Variants in FRMD5 observed in about 807,000 individuals in gnomAD.
The protein encoded by FRMD5 is FERM domain containing 5.
In FRMD5, 20 loss-of-function variants were observed where a neutral mutation model predicts 69.0. That is an observed-to-expected ratio of 0.29 (90% CI 0.20 to 0.42). The LOEUF is 0.42. Ranked by LOEUF, FRMD5 falls within the 10% of genes least tolerant of loss-of-function variation. The pLI is 1.00. For missense variants in FRMD5, 595 were observed against 708.6 expected (o/e 0.84, Z 1.82); for synonymous variants, 271 against 260.1 (o/e 1.04, Z -0.40).
At chr15:44,186,814 C>T (rs969390853) in intron 1 of FRMD5, among the ~76,000 whole-genome samples, 10 of 152,224 alleles carry the variant, frequency 6.6e-5, no homozygotes, top group African/African-American at 1.7e-4. Context: ...GCCCAAATGC[C>T]GAACAGTGCT....
In FRMD5 at chr15:43,954,397, T is replaced by C. The variant is rs78986166; in HGVS notation, c.103-30088A>G. ...GTGATAGTGACTCAAAGGTTATATTTACAGACCCCAAATTATTCAGTGCCT... is the reference window on the plus strand; with the variant it reads ...GTGATAGTGACTCAAAGGTTATATTCACAGACCCCAAATTATTCAGTGCCT... On this transcript the variant is annotated intron_variant, in intron 1 of 13. Transcript: ENST00000417257. Among the ~76,000 whole-genome samples the C allele has an allele frequency of 2.6e-3, 403 of 152,304 alleles. 5 individuals carry two copies. The highest frequency in any genetic ancestry group is 9.4e-3 in the African/African-American group (391 of 41,560).
intron 1 of FRMD5, among the ~76,000 whole-genome samples, chr15:44,171,472 G>A (rs1359346208): frequency 6.6e-6 from 1 of 152,088 alleles, no homozygotes; most frequent in African/African-American, 2.4e-5. Context: ...TTTGTTTGGG[G>A]TTTTGTTTTT....
chr15:43,899,166 A>G (rs1270911425), intron 7 of FRMD5, among the ~76,000 whole-genome samples: 1 of 152,228 alleles, frequency 6.6e-6, no homozygotes, highest in African/African-American at 2.4e-5. Flanking sequence ...CTCTTCTTGT[A>G]GCAGCATTAA....
At chr15:43,994,642 G>T (rs914135389) in intron 1 of FRMD5, among the ~76,000 whole-genome samples, 4 of 152,176 alleles carry the variant, frequency 2.6e-5, no homozygotes, top group Admixed American at 6.5e-5. Context: ...ATGTTGGCCA[G>T]GCTGGTCTCG....
Position 43,939,412 on chromosome 15 carries a change from G to T in FRMD5, c.103-15103C>A, listed in dbSNP as rs554510289. Reference sequence around the variant, plus strand: ...GCATGACATGCATGTGCCAAAAGAAGTCATCAGTTCAAGACAAGAAAAGCT... The same window carrying T: ...GCATGACATGCATGTGCCAAAAGAATTCATCAGTTCAAGACAAGAAAAGCT... On this transcript the variant is annotated intron_variant, in intron 1 of 13. Coordinates refer to ENST00000417257, the MANE Select transcript of FRMD5 (RefSeq NM_032892.5). Among the ~76,000 whole-genome samples the T allele has an allele frequency of 2.6e-5, 4 of 152,256 alleles. No individual in the cohort carries two copies. In the East Asian group the frequency reaches 7.7e-4, roughly 29 times the overall value.
intron 1 of FRMD5, among the ~76,000 whole-genome samples, chr15:44,049,896 C>T (rs1892583072): frequency 6.6e-6 from 1 of 152,122 alleles, no homozygotes; most frequent in African/African-American, 2.4e-5. Context: ...TTATCAACAT[C>T]TTTATTGGAA....
At chr15:43,983,822 T>C (rs920956969) in intron 1 of FRMD5, among the ~76,000 whole-genome samples, 3 of 152,212 alleles carry the variant, frequency 2.0e-5, no homozygotes, top group African/African-American at 7.2e-5. Context: ...CATGTCACTG[T>C]GAAATGCTCT....
At chr15:43,989,282 C>T (rs927053180) in intron 1 of FRMD5, 17 of 784,818 alleles carry the variant, frequency 2.2e-5, no homozygotes, top group African/African-American at 3.4e-5. Flanking sequence ...CTGGTGGTGC[C>T]GCCAGATAGC....
chr15:44,130,815 G>C (rs568050669), intron 1 of FRMD5, among the ~76,000 whole-genome samples: 1 of 152,152 alleles, frequency 6.6e-6, no homozygotes, highest in Admixed American at 6.5e-5. Context: ...CTTGACTCTG[G>C]CAAGCAGAAG....
chr15:44,029,980 T>C lies in FRMD5; in HGVS notation c.103-105671A>G, dbSNP rs141920801. 4.0e-3 allele frequency among the ~76,000 whole-genome samples: 606 copies of C among 152,358 alleles called. 5 individuals are homozygous for C. Among genetic ancestry groups the C allele is most frequent in the African/African-American group, 0.014 (584 of 41,586 alleles). On this transcript the variant is annotated intron_variant, in intron 1 of 13. Coordinates refer to ENST00000417257, the MANE Select transcript of FRMD5 (RefSeq NM_032892.5). The stretch of plus-strand genomic sequence containing the variant: ...CTATGTTTTATTCATTTTTGTACTC[T>C]AGCCTCCAATGTTTCTGGTAATTAA...
At chr15:44,167,977 T>C (rs1231826597) in intron 1 of FRMD5, among the ~76,000 whole-genome samples, 4 of 152,228 alleles carry the variant, frequency 2.6e-5, no homozygotes, top group Admixed American at 6.5e-5. Context: ...ATTTGTTCTG[T>C]TCTAAGATAC....
chr15:44,170,194 G>C (rs1284793617), intron 1 of FRMD5, among the ~76,000 whole-genome samples: 1 of 152,046 alleles, frequency 6.6e-6, no homozygotes, highest in African/African-American at 2.4e-5. Flanking sequence ...GGGACTACAG[G>C]AGAACACCAT....
chr15:44,072,173 T>G (rs1893569954), intron 1 of FRMD5, among the ~76,000 whole-genome samples: 1 of 152,222 alleles, frequency 6.6e-6, no homozygotes. Flanking sequence ...GCCGAGTTCT[T>G]AAAACTTTAA....
At chr15:44,187,857 C>T (rs934780746) in intron 1 of FRMD5, among the ~76,000 whole-genome samples, 1 of 152,208 alleles carries the variant, frequency 6.6e-6, no homozygotes, top group Admixed American at 6.5e-5. Flanking sequence ...GCATAAACCA[C>T]AGTGCCTGGC....
At chr15:44,099,745 G>T (rs1029244553) in intron 1 of FRMD5, among the ~76,000 whole-genome samples, 1 of 152,100 alleles carries the variant, frequency 6.6e-6, no homozygotes, top group Non-Finnish European at 1.5e-5. Flanking sequence ...AAAGAGGCCA[G>T]CTCTGGGGTA....
rs1595464778 is a variant in FRMD5, at chr15:43,874,028, C to T, written c.1570G>A (p.Glu524Lys). The T allele has an allele frequency of 1.9e-6, 3 of 1,614,202 alleles. No individual in the cohort carries two copies. Among genetic ancestry groups the T allele is most frequent in the South Asian group, 1.1e-5 (1 of 91,082 alleles). ...VLLLLLIILT[E>K]SDLDIAFFRD... ...AAAAAGGCAATGTCAAGGTCAGACTCGGTAAGGATGATCAGGAGGAGGAGC... is the reference window on the plus strand; with the variant it reads ...AAAAAGGCAATGTCAAGGTCAGACTTGGTAAGGATGATCAGGAGGAGGAGC... Residue 524 changes from glutamate (E) to lysine (K), a missense_variant, in exon 14 of 14, where the codon GAG becomes AAG. Glu to Lys is a moderately conservative substitution (Grantham distance 56). Transcript: ENST00000417257.
At chr15:43,884,387 C>T (rs2088611834) in intron 12 of FRMD5, among the ~76,000 whole-genome samples, 1 of 152,182 alleles carries the variant, frequency 6.6e-6, no homozygotes, top group South Asian at 2.1e-4. Flanking sequence ...GGCTGTGGGA[C>T]TATCCTTGGC....
At chr15:43,874,807 G>A (rs976777947) in intron 13 of FRMD5, among the ~76,000 whole-genome samples, 1 of 152,138 alleles carries the variant, frequency 6.6e-6, no homozygotes, top group African/African-American at 2.4e-5. Flanking sequence ...GGCTGAGGCA[G>A]GAGAATCGCT....
At chr15:44,085,396 T>A (rs921417444) in intron 1 of FRMD5, among the ~76,000 whole-genome samples, 2 of 152,122 alleles carry the variant, frequency 1.3e-5, no homozygotes, top group Non-Finnish European at 2.9e-5. Context: ...AACTTCAGAA[T>A]AAAATATAGC....
Sources: gnomAD v4.1 joint callset for allele counts (sites outside exome capture counted in the v4.1 genomes callset) on GRCh38, gnomAD v4.1.1 for gene constraint, MANE v1.5 for transcripts, NCBI Gene and HGNC (gene_info 2026-07-23, HGNC 2026-07-21) for gene names.